THADA: variants seen among roughly 807,000 people sequenced by gnomAD.
THADA encodes tRNA (32-2'-O)-methyltransferase regulator THADA.
Under a neutral mutation model 219.8 loss-of-function variants are expected in THADA, and 213 were observed. The ratio of observed to expected loss-of-function variants is 0.97; its 90% CI spans 0.87 to 1.09. THADA has a LOEUF of 1.09. Among genes scored for constraint, THADA ranks in the 50% least tolerant of loss-of-function variants. The pLI is 0.00. For missense variants in THADA, 2,956 were observed against 2,311.3 expected (o/e 1.28, Z -5.72); for synonymous variants, 1,018 against 828.9 (o/e 1.23, Z -3.92).
At chr2:43,233,397 A>G (rs1464433746) in intron 36 of THADA, 1 of 153,222 alleles carries the variant, frequency 6.5e-6, no homozygotes, top group Non-Finnish European at 1.5e-5. Flanking sequence ...GCAGCCATGG[A>G]CAATCTGTAA....
chr2:43,325,493 A>T (rs187024694), intron 30 of THADA, among the ~76,000 whole-genome samples: 153 of 152,174 alleles, frequency 1.0e-3, no homozygotes, highest in African/African-American at 3.6e-3. Context: ...TAGGTTATGA[A>T]ATCAACTAGT....
chr2:43,593,697 G>A (rs1280629700), intron 1 of THADA, among the ~76,000 whole-genome samples: 1 of 148,754 alleles, frequency 6.7e-6, no homozygotes, highest in African/African-American at 2.5e-5. Flanking sequence ...GCAGTGGCGC[G>A]ATCTGCGCTC....
At chr2:43,487,164 C>T (rs1340004018) in intron 25 of THADA, among the ~76,000 whole-genome samples, 1 of 152,196 alleles carries the variant, frequency 6.6e-6, no homozygotes, top group Non-Finnish European at 1.5e-5. Context: ...TCTCTGCCCT[C>T]ATTCAGGTCT....
Position 43,344,759 on chromosome 2 carries a change from G to GTTT in THADA, c.4228-525_4228-523dup, listed in dbSNP as rs1242915350. 4.2e-4 allele frequency among the ~76,000 whole-genome samples: 62 copies of GTTT among 149,372 alleles called. 1 individual carries two copies. The highest frequency in any genetic ancestry group is 1.3e-3 in the African/African-American group (54 of 40,180). ...GCAGTGATGTTTGTAACTATTTAGG[G>GTTT]TTTTTTTTGTTTTTTTTTTTTAGCA... On this transcript the variant is annotated intron_variant, in intron 29 of 37. Coordinates refer to ENST00000405975, the MANE Select transcript of THADA (RefSeq NM_022065.5).
intron 16 of THADA, among the ~76,000 whole-genome samples, chr2:43,559,573 A>G (rs1285854048): frequency 6.6e-6 from 1 of 152,190 alleles, no homozygotes; most frequent in Non-Finnish European, 1.5e-5. Context: ...GAGAAGCCTC[A>G]AGGGCAGAGC....
intron 29 of THADA, among the ~76,000 whole-genome samples, chr2:43,362,142 G>A (rs888398295): frequency 1.3e-5 from 2 of 152,194 alleles, no homozygotes; most frequent in African/African-American, 2.4e-5. Context: ...GTCATTTCCT[G>A]GGTGAATCTG....
intron 29 of THADA, among the ~76,000 whole-genome samples, chr2:43,376,044 T>C (rs564980993): frequency 6.6e-6 from 1 of 152,296 alleles, no homozygotes; most frequent in South Asian, 2.1e-4. Context: ...GAGCCAATAT[T>C]TACAGCATGG....
chr2:43,251,062 G>C (rs142014412), intron 36 of THADA, among the ~76,000 whole-genome samples: 4 of 152,324 alleles, frequency 2.6e-5, no homozygotes, highest in Admixed American at 6.5e-5. Flanking sequence ...AGACTGGAAA[G>C]GTTGCAGCCT....
At chr2:43,521,274 G>C (rs1692444388) in intron 22 of THADA, among the ~76,000 whole-genome samples, 1 of 151,998 alleles carries the variant, frequency 6.6e-6, no homozygotes, top group South Asian at 2.1e-4. Context: ...AGGTAGGGAG[G>C]GCCGGGCGTG....
In THADA at chr2:43,576,665, A is replaced by T. The variant is rs1480175916; in HGVS notation, c.1037+357T>A. ...CCTGCAGCAATAATTTTATTTATTTATTTTTTTAAGACAGGATCTCACTCT... is the reference window on the plus strand; with the variant it reads ...CCTGCAGCAATAATTTTATTTATTTTTTTTTTTAAGACAGGATCTCACTCT... On this transcript the variant is annotated intron_variant, in intron 10 of 37. Coordinates refer to ENST00000405975, the MANE Select transcript of THADA (RefSeq NM_022065.5). Among the ~76,000 whole-genome samples, 11 of 152,240 alleles carry T rather than the reference A, an allele frequency of 7.2e-5. No individual in the cohort carries two copies. In the East Asian group the frequency reaches 1.2e-3, roughly 16 times the overall value.
intron 36 of THADA, among the ~76,000 whole-genome samples, chr2:43,273,537 AGGAG>A (rs1361961983): frequency 3.9e-5 from 6 of 152,174 alleles, no homozygotes; most frequent in Admixed American, 3.9e-4. Context: ...ACTGGAAGGC[AGGAG>A]GAAGGGGGAG....
chr2:43,513,691 G>A (rs1690796847), intron 22 of THADA, among the ~76,000 whole-genome samples: 1 of 152,092 alleles, frequency 6.6e-6, no homozygotes, highest in African/African-American at 2.4e-5. Flanking sequence ...AGCCTAGAAA[G>A]AGATCAGTAA....
At chr2:43,429,631 T>A (rs1199404892) in intron 27 of THADA, among the ~76,000 whole-genome samples, 3 of 151,866 alleles carry the variant, frequency 2.0e-5, no homozygotes, top group African/African-American at 7.2e-5. Context: ...ACTCAATATG[T>A]AAACACAGAT....
At chr2:43,544,551 TG>T (rs1462784757) in intron 20 of THADA, among the ~76,000 whole-genome samples, 1 of 152,132 alleles carries the variant, frequency 6.6e-6, no homozygotes. Flanking sequence ...TTTATTTCAT[TG>T]AGCAGTGGTT....
chr2:43,506,769 A>G (rs1164113793), intron 23 of THADA, among the ~76,000 whole-genome samples: 2 of 152,234 alleles, frequency 1.3e-5, no homozygotes, highest in African/African-American at 4.8e-5. Flanking sequence ...CTTTAGTCAC[A>G]TTCCCAGACT....
intron 36 of THADA, 32 bp downstream of exon 36, chr2:43,279,733 T>A: frequency 6.5e-7 from 1 of 1,540,604 alleles, no homozygotes; most frequent in Non-Finnish European, 8.7e-7. Flanking sequence ...CCTGCAGCGA[T>A]AAGACAATGC....
chr2:43,506,719 T>G (rs1316358077), intron 23 of THADA, among the ~76,000 whole-genome samples: 3 of 152,190 alleles, frequency 2.0e-5, no homozygotes, highest in Non-Finnish European at 2.9e-5. Context: ...GACTATATAG[T>G]ATGTGAATTA....
chr2:43,449,319 G>A (rs992579262), intron 26 of THADA, among the ~76,000 whole-genome samples: 1 of 151,970 alleles, frequency 6.6e-6, no homozygotes, highest in Non-Finnish European at 1.5e-5. Flanking sequence ...TAAGTCCAAG[G>A]GACCTGTGGA....
At position 43,537,251 on chromosome 2, in the gene THADA, T is replaced by C. The variant is rs527989022; in HGVS notation, c.3264+3908A>G. Among the ~76,000 whole-genome samples the C allele has an allele frequency of 7.9e-5, 12 of 152,370 alleles. 1 individual carries two copies. The South Asian group carries it at 2.3e-3, about 29-fold the overall frequency. On this transcript the variant is annotated intron_variant, in intron 21 of 37. Transcript: ENST00000405975. ...TTGCTTTCTAGCAAATTCTTAACCA[T>C]GGGCAATATTAACTGTTGCCCTGTA... is the stretch of plus-strand genomic sequence containing the variant.
Sources: gnomAD v4.1 joint callset for allele counts (sites outside exome capture counted in the v4.1 genomes callset) on GRCh38, gnomAD v4.1.1 for gene constraint, MANE v1.5 for transcripts, NCBI Gene and HGNC (gene_info 2026-07-23, HGNC 2026-07-21) for gene names.